The following VPS13D variants were observed in gnomAD, a reference collection of about 807,000 sequenced individuals.
The protein encoded by VPS13D is vacuolar protein sorting 13 homolog D.
In VPS13D, 187 loss-of-function variants were observed where a neutral mutation model predicts 461.9. The observed-to-expected ratio is 0.40, with a 90% CI of 0.36 to 0.46. VPS13D has a LOEUF of 0.46. VPS13D is among the 20% of genes least tolerant of loss of function. VPS13D has a pLI of 0.60. For synonymous variants in VPS13D, 1,951 were observed against 1,986.3 expected (o/e 0.98, Z 0.47); for missense variants, 4,711 against 5,364.9 (o/e 0.88, Z 3.81).
chr1:12,373,096 T>TG (rs1491485789), intron 54 of VPS13D, among the ~76,000 whole-genome samples: 6 of 70,492 alleles, frequency 8.5e-5, no homozygotes, highest in African/African-American at 4.7e-4. Context: ...TCTGGCTTGG[T>TG]TTTTTTTTTT....
chr1:12,282,303 G>A (rs1641809523), intron 20 of VPS13D, among the ~76,000 whole-genome samples: 2 of 152,254 alleles, frequency 1.3e-5, no homozygotes, highest in South Asian at 4.2e-4. Flanking sequence ...ACTAAACATT[G>A]GCTGTTACTC....
chr1:12,449,578 AACTCAC>A (rs1040295824), intron 65 of VPS13D, among the ~76,000 whole-genome samples: 2 of 152,166 alleles, frequency 1.3e-5, no homozygotes, highest in African/African-American at 4.8e-5. Context: ...ATCAAGGCAA[AACTCAC>A]ACTCAGAATA....
At chr1:12,230,379 C>T (rs554410488) in intron 1 of VPS13D, among the ~76,000 whole-genome samples, 92 of 152,266 alleles carry the variant, frequency 6.0e-4, no homozygotes, top group Admixed American at 1.7e-3. Flanking sequence ...CGCGAGCTCC[C>T]CAAGCACAGG....
chr1:12,411,386 A>G (rs1644725989), intron 63 of VPS13D, among the ~76,000 whole-genome samples: 1 of 151,998 alleles, frequency 6.6e-6, no homozygotes, highest in Admixed American at 6.6e-5. Flanking sequence ...TAATCCCAGC[A>G]CTTTGGGAGG....
At chr1:12,500,843 G>T (rs572260504) in intron 68 of VPS13D, among the ~76,000 whole-genome samples, 2 of 150,632 alleles carry the variant, frequency 1.3e-5, no homozygotes, top group Non-Finnish European at 3.0e-5. Context: ...TGGGAGGATC[G>T]CTTGAGGCCG....
At chr1:12,248,050 G>A (rs1050416700) in intron 5 of VPS13D, among the ~76,000 whole-genome samples, 2 of 151,890 alleles carry the variant, frequency 1.3e-5, no homozygotes, top group East Asian at 1.9e-4. Flanking sequence ...ACCACGCCCC[G>A]CTAATTTTTT....
At position 12,308,647 on chromosome 1, in the gene VPS13D, TG is replaced by T; in HGVS notation, c.6650+7del. ...GTGGAAAGGAATTTGGACAAGTGAGTGTTTTTTTTTTTTTTTGAGATGGAGT... is the reference window on the plus strand; with the variant it reads ...GTGGAAAGGAATTTGGACAAGTGAGTTTTTTTTTTTTTTTTGAGATGGAGT... On this transcript the variant is annotated splice_region_variant and intron_variant, in intron 27 of 69. Coordinates refer to ENST00000620676, the MANE Select transcript of VPS13D (RefSeq NM_015378.4). 2 of 1,600,524 alleles carry T rather than the reference TG, an allele frequency of 1.2e-6. No individual in the cohort carries two copies. The highest frequency in any genetic ancestry group is 2.3e-5 in the South Asian group (2 of 88,826).
chr1:12,244,018 T>C (rs2101209320), intron 3 of VPS13D, among the ~76,000 whole-genome samples: 1 of 152,284 alleles, frequency 6.6e-6, no homozygotes, highest in African/African-American at 2.4e-5. Flanking sequence ...TGTGGTAAAG[T>C]CTTCGCGAAC....
At chr1:12,280,395 C>T (rs1468521269) in intron 20 of VPS13D, among the ~76,000 whole-genome samples, 1 of 152,112 alleles carries the variant, frequency 6.6e-6, no homozygotes, top group Non-Finnish European at 1.5e-5. Context: ...CCAAAGCTTT[C>T]CCTTCTCAGA....
chr1:12,326,787 G>A (rs1222479586), intron 35 of VPS13D, among the ~76,000 whole-genome samples: 4 of 151,974 alleles, frequency 2.6e-5, no homozygotes. Context: ...GGGATTACAG[G>A]CACATGCCAC....
chr1:12,426,762 A>T (rs1375481492), intron 65 of VPS13D, among the ~76,000 whole-genome samples: 1 of 152,162 alleles, frequency 6.6e-6, no homozygotes, highest in Non-Finnish European at 1.5e-5. Flanking sequence ...CACACCTGCA[A>T]TCCCAGCACC....
At position 12,481,160 on chromosome 1, in the gene VPS13D, C is replaced by T. The variant is rs927453611; in HGVS notation, c.12663-16340C>T. 2.1e-4 allele frequency among the ~76,000 whole-genome samples: 32 copies of T among 150,040 alleles called. 1 individual carries two copies. Among genetic ancestry groups the T allele is most frequent in the African/African-American group, 7.6e-4 (30 of 39,368 alleles). ...GTGGTGCTGTTGCCTCTGCATTGGC[C>T]GACTCCTGGCTGCACCTGCTTTTCC... On this transcript the variant is annotated intron_variant, in intron 67 of 69. Transcript: ENST00000620676.
intron 37 of VPS13D, among the ~76,000 whole-genome samples, chr1:12,331,495 C>T (rs952916757): frequency 6.6e-6 from 1 of 151,790 alleles, no homozygotes; most frequent in Non-Finnish European, 1.5e-5. Flanking sequence ...ATCATCAGGT[C>T]AGGAGATTGA....
chr1:12,259,380 A>G lies in VPS13D; in HGVS notation c.1110+1277A>G, dbSNP rs1235976254. On this transcript the variant is annotated intron_variant, in intron 10 of 69. Coordinates refer to ENST00000620676, the MANE Select transcript of VPS13D (RefSeq NM_015378.4). ...ATCCACGCTGGAGTGCAGTGGTGCA[A>G]TCTTGGCTCACTGCAACCTCTGCCT... Among the ~76,000 whole-genome samples, 4 of 150,580 alleles carry G rather than the reference A, an allele frequency of 2.7e-5. No homozygotes were observed. The South Asian group carries it at 6.3e-4, about 24-fold the overall frequency.
chr1:12,321,822 G>A lies in VPS13D; in HGVS notation c.7562G>A (p.Arg2521Gln), dbSNP rs1036183845. 3.7e-6 allele frequency: 6 copies of A among 1,600,802 alleles called. No individual in the cohort carries two copies. Among genetic ancestry groups the A allele is most frequent in the African/African-American group, 2.7e-5 (2 of 73,838 alleles). ...TTCATTCTGTAGGTGTTTTCATGCC[G>A]ACTAGGGAATGAGCATGATACAGCT... ...SLFGIEVFSC[R>Q]LGNEHDTALS... The change falls in exon 33 of 70, where the codon CGA becomes CAA. Residue 2521 changes from arginine (R) to glutamine (Q), a missense_variant. Coordinates refer to ENST00000620676, the MANE Select transcript of VPS13D (RefSeq NM_015378.4).
chr1:12,409,720 C>A, intron 63 of VPS13D: 1 of 286,398 alleles, frequency 3.5e-6, no homozygotes, highest in South Asian at 3.0e-5. Flanking sequence ...GAAAATAGAC[C>A]CATATCCAGA....
At chr1:12,348,647 T>G (rs547406402) in intron 44 of VPS13D, among the ~76,000 whole-genome samples, 176 bp from the exon 45 acceptor site, 1 of 152,132 alleles carries the variant, frequency 6.6e-6, no homozygotes, top group African/African-American at 2.4e-5. Context: ...TTTTTAACAG[T>G]GTATAGGATG....
chr1:12,448,460 A>G (rs535936383), intron 65 of VPS13D, among the ~76,000 whole-genome samples: 1 of 152,260 alleles, frequency 6.6e-6, no homozygotes, highest in African/African-American at 2.4e-5. Context: ...TTCCCTCTGC[A>G]TGCTTCATGG....
Position 12,249,309 on chromosome 1 carries a change from T to C in VPS13D, c.534T>C (p.Asn178=). The C allele has an allele frequency of 6.2e-7, 1 of 1,613,906 alleles. No homozygotes were observed. The highest frequency in any genetic ancestry group is 8.5e-7 in the Non-Finnish European group (1 of 1,179,918). Reference sequence around the variant, plus strand: ...TTGCTTTTGGCATCTGCATTAAGAATGTGTCCATGCAAAATGCTGTGAATG... The same window carrying C: ...TTGCTTTTGGCATCTGCATTAAGAACGTGTCCATGCAAAATGCTGTGAATG... The part of the protein sequence containing the change: ...HPFAFGICIK[N]VSMQNAVNEP... The change falls in exon 6 of 70, where the codon AAT becomes AAC. Residue 178 remains asparagine, a synonymous_variant. Coordinates refer to ENST00000620676, the MANE Select transcript of VPS13D (RefSeq NM_015378.4).
Sources: allele counts gnomAD v4.1 joint callset (sites outside exome capture counted in the v4.1 genomes callset), GRCh38; gene constraint gnomAD v4.1.1; transcripts MANE v1.5; gene names NCBI Gene and HGNC (gene_info 2026-07-23, HGNC 2026-07-21).